SNX7: variants seen among roughly 807,000 people sequenced by gnomAD.
SNX7 encodes the protein sorting nexin 7, also known as sorting nexin-7.
In SNX7, 35 loss-of-function variants were observed where a neutral mutation model predicts 48.4. That is an observed-to-expected ratio of 0.72 (90% CI 0.55 to 0.96). SNX7 has a LOEUF of 0.96. SNX7 is among the 40% of genes least tolerant of loss of function. SNX7 has a pLI of 0.00. For missense variants in SNX7, 553 were observed against 548.9 expected, an observed-to-expected ratio of 1.01 and a Z score of -0.07; for synonymous variants, 190 against 190.2, an observed-to-expected ratio of 1.00 and a Z score of 0.01.
chr1:98,672,507 C>G (rs1649924251), intron 1 of SNX7, among the ~76,000 whole-genome samples: 1 of 150,662 alleles, frequency 6.6e-6, no homozygotes, highest in African/African-American at 2.4e-5. Flanking sequence ...ATCAGACCAC[C>G]TCTAACAATG....
chr1:98,669,444 A>G (rs1649725982), intron 1 of SNX7, among the ~76,000 whole-genome samples: 2 of 152,072 alleles, frequency 1.3e-5, no homozygotes. Flanking sequence ...CTCTGATCAT[A>G]TTGTCACCAT....
intron 7 of SNX7, among the ~76,000 whole-genome samples, chr1:98,719,872 A>C (rs28435581): frequency 5.4e-5 from 1 of 18,516 alleles, no homozygotes; most frequent in Non-Finnish European, 1.2e-4. Context: ...TATATATATA[A>C]AATATATATT....
At chr1:98,709,849 C>G (rs1652207965) in intron 7 of SNX7, among the ~76,000 whole-genome samples, 2 of 152,032 alleles carry the variant, frequency 1.3e-5, no homozygotes, top group Non-Finnish European at 2.9e-5. Context: ...TTTCCTTACT[C>G]TCATGTTCTC....
At chr1:98,710,032 T>C (rs1015758645) in intron 7 of SNX7, among the ~76,000 whole-genome samples, 1 of 152,186 alleles carries the variant, frequency 6.6e-6, no homozygotes, top group Non-Finnish European at 1.5e-5. Context: ...CAACATACTG[T>C]GACCCACCCT....
intron 7 of SNX7, among the ~76,000 whole-genome samples, chr1:98,725,361 C>T (rs866462959): frequency 5.9e-5 from 9 of 152,018 alleles, no homozygotes; most frequent in Admixed American, 2.6e-4. Flanking sequence ...AGACTATATC[C>T]GGATTGGAAG....
At chr1:98,750,466 A>T (rs968199988) in intron 8 of SNX7, among the ~76,000 whole-genome samples, 6 of 152,128 alleles carry the variant, frequency 3.9e-5, no homozygotes, top group African/African-American at 1.4e-4. Flanking sequence ...ACATGCATAT[A>T]CATATATGTA....
At chr1:98,675,397 G>A (rs1650106944) in intron 1 of SNX7, among the ~76,000 whole-genome samples, 1 of 152,026 alleles carries the variant, frequency 6.6e-6, no homozygotes, top group Admixed American at 6.6e-5. Context: ...CTGAAATCTT[G>A]GATGTTGCTA....
Position 98,719,344 on chromosome 1 carries a change from A to G in SNX7, c.1125+17441A>G, listed in dbSNP as rs542181011. 2.0e-5 allele frequency among the ~76,000 whole-genome samples: 3 copies of G among 152,136 alleles called. No homozygotes were observed. In the East Asian group the frequency reaches 5.8e-4, roughly 29 times the overall value. Reference sequence around the variant, plus strand: ...TTCTCACCAGCTGGCTTATTCCTGTACCCTCCACCCGCAGTCTTGTTAAGG... The same window carrying G: ...TTCTCACCAGCTGGCTTATTCCTGTGCCCTCCACCCGCAGTCTTGTTAAGG... On this transcript the variant is annotated intron_variant, in intron 7 of 8. Transcript: ENST00000306121.
chr1:98,662,953 GC>G, intron 1 of SNX7: 1 of 737,798 alleles, frequency 1.4e-6, no homozygotes, highest in Non-Finnish European at 1.9e-6. Context: ...GGAATGATAG[GC>G]CCAGGTTTGT....
At position 98,685,194 on chromosome 1, in the gene SNX7, A is replaced by G. The variant is rs1650727991; in HGVS notation, c.363+127A>G. 9.1e-6 allele frequency: 5 copies of G among 547,276 alleles called. No homozygotes were observed. In the South Asian group the frequency reaches 2.8e-4, roughly 30 times the overall value. 33.9% of individuals were successfully genotyped at this position (547,276 alleles called of 1,614,324 possible). A position where few individuals can be genotyped will look rare whatever the true frequency, so the allele number is the denominator to read the frequency against. On this transcript the variant is annotated intron_variant, in intron 2 of 8. Coordinates refer to ENST00000306121, the MANE Select transcript of SNX7 (RefSeq NM_015976.5). The stretch of plus-strand genomic sequence containing the variant: ...AGCTGAATTGACTTTTACTTTTTCA[A>G]ACCTTTTGGCTAACACATTGCTTCT...
intron 7 of SNX7, among the ~76,000 whole-genome samples, chr1:98,710,412 T>C (rs1398287749): frequency 6.6e-6 from 1 of 152,016 alleles, no homozygotes; most frequent in Non-Finnish European, 1.5e-5. Flanking sequence ...AACGAAAGAC[T>C]AAGCTCTGTG....
rs529376575 is a variant in SNX7 at position 98,702,264 on chromosome 1, T to C, written c.1125+361T>C. On this transcript the variant is annotated intron_variant, in intron 7 of 8. Transcript: ENST00000306121. The stretch of plus-strand genomic sequence containing the variant: ...TACTTTTTTATAGTTTTTTGAGATA[T>C]TTATATACATTAATGTTCCTGTATA... Among the ~76,000 whole-genome samples, 3 of 152,262 alleles carry C rather than the reference T, an allele frequency of 2.0e-5. No homozygotes were observed. The East Asian group carries it at 5.8e-4, about 29-fold the overall frequency.
At chr1:98,702,582 C>T (rs1651807349) in intron 7 of SNX7, among the ~76,000 whole-genome samples, 1 of 151,998 alleles carries the variant, frequency 6.6e-6, no homozygotes, top group Admixed American at 6.6e-5. Flanking sequence ...AGTATCTTTG[C>T]ATTTTCAGAG....
chr1:98,681,126 C>G (rs899860274), intron 1 of SNX7, among the ~76,000 whole-genome samples: 3 of 152,122 alleles, frequency 2.0e-5, no homozygotes, highest in African/African-American at 7.2e-5. Context: ...AGGAGTAAGT[C>G]ACATCTTACA....
chr1:98,674,536 A>G (rs1435292220), intron 1 of SNX7, among the ~76,000 whole-genome samples: 1 of 152,148 alleles, frequency 6.6e-6, no homozygotes, highest in African/African-American at 2.4e-5. Flanking sequence ...TAATGACCTC[A>G]TTTTAACTTT....
chr1:98,706,483 G>C (rs4546941), intron 7 of SNX7, among the ~76,000 whole-genome samples: 41,449 of 151,954 alleles, frequency 0.27, 5,872 homozygotes, highest in Non-Finnish European at 0.31. Context: ...CTAACCAGGG[G>C]TTAGACCATA....
intron 4 of SNX7, among the ~76,000 whole-genome samples, chr1:98,695,190 G>T (rs1027916896): frequency 2.0e-5 from 3 of 152,142 alleles, no homozygotes; most frequent in Non-Finnish European, 2.9e-5. Flanking sequence ...AATATAGATG[G>T]TATGTCATAT....
In SNX7 at chr1:98,738,231, A is replaced by T; in HGVS notation, c.1126-6A>T. 6.2e-7 allele frequency: 1 copy of T among 1,611,538 alleles called. No homozygotes were observed. Among genetic ancestry groups the T allele is most frequent in the Non-Finnish European group, 8.5e-7 (1 of 1,179,154 alleles). ...TCAATGTATCTCTCTTTGTGACTTA[A>T]TTCAGCTTCCAGAGGAGATTGGAAA... is the stretch of plus-strand genomic sequence containing the variant. On this transcript the variant is annotated splice_region_variant and splice_polypyrimidine_tract_variant and intron_variant, in intron 7 of 8. Transcript: ENST00000306121.
At chr1:98,720,189 G>T (rs2101004957) in intron 7 of SNX7, among the ~76,000 whole-genome samples, 1 of 151,664 alleles carries the variant, frequency 6.6e-6, no homozygotes, top group Non-Finnish European at 1.5e-5. Flanking sequence ...TGTTCCTCTT[G>T]CTTGTCTATT....
Sources: allele counts gnomAD v4.1 joint callset (sites outside exome capture counted in the v4.1 genomes callset), GRCh38; gene constraint gnomAD v4.1.1; transcripts MANE v1.5; gene names NCBI Gene and HGNC (gene_info 2026-07-23, HGNC 2026-07-21).